The following GRIK3 variants were observed in gnomAD, a reference collection of about 807,000 sequenced individuals.
GRIK3 encodes glutamate receptor ionotropic, kainate 3.
In GRIK3, 29 loss-of-function variants were observed where a neutral mutation model predicts 102.5. That is an observed-to-expected ratio of 0.28 (90% CI 0.21 to 0.39). The LOEUF (loss-of-function observed/expected upper bound fraction) is 0.39, where lower values mean the gene tolerates loss of function less well. Ranked by LOEUF, GRIK3 falls within the 10% of genes least tolerant of loss-of-function variation. The probability of loss-of-function intolerance (pLI) is 1.00; values close to 1 mark genes in which losing one functional copy is unlikely to be tolerated. For missense variants in GRIK3, 908 were observed against 1,252.4 expected (o/e 0.73, Z 4.15); for synonymous variants, 511 against 504.9 (o/e 1.01, Z -0.16).
At chr1:36,827,784 G>A (rs536938989) in intron 10 of GRIK3, among the ~76,000 whole-genome samples, 53 of 152,120 alleles carry the variant, frequency 3.5e-4, no homozygotes, top group Non-Finnish European at 6.0e-4. Context: ...GGTGCTCCCG[G>A]CTGGGAGCAG....
intron 1 of GRIK3, among the ~76,000 whole-genome samples, chr1:36,911,518 C>T (rs1641344977): frequency 6.6e-6 from 1 of 152,130 alleles, no homozygotes; most frequent in South Asian, 2.1e-4. Context: ...TGTAGGCAGG[C>T]ATCCAGAGAA....
chr1:36,875,707 T>C (rs111663895), intron 3 of GRIK3, among the ~76,000 whole-genome samples: 1,552 of 152,346 alleles, frequency 0.01, 22 homozygotes, highest in African/African-American at 0.036. Flanking sequence ...AGGTGAGTGA[T>C]CCAGGTGAAC....
At chr1:37,002,375 C>T (rs569665146) in intron 1 of GRIK3, among the ~76,000 whole-genome samples, 5 of 152,240 alleles carry the variant, frequency 3.3e-5, no homozygotes, top group African/African-American at 4.8e-5. Context: ...GGGATGGCTG[C>T]CTTAACCACC....
At chr1:36,871,522 G>A (rs1052583030) in intron 4 of GRIK3, among the ~76,000 whole-genome samples, 2 of 152,210 alleles carry the variant, frequency 1.3e-5, no homozygotes, top group Non-Finnish European at 2.9e-5. Flanking sequence ...TTTGGTTTCC[G>A]CTGTGGCACC....
chr1:36,924,380 G>A (rs1641505290), intron 1 of GRIK3, among the ~76,000 whole-genome samples: 1 of 152,174 alleles, frequency 6.6e-6, no homozygotes, highest in African/African-American at 2.4e-5. Flanking sequence ...CCTCCGCCCC[G>A]CCTCCCTAGT....
chr1:36,930,573 A>G (rs1641576428), intron 1 of GRIK3, among the ~76,000 whole-genome samples: 1 of 152,150 alleles, frequency 6.6e-6, no homozygotes, highest in Admixed American at 6.5e-5. Context: ...GCCTGATGAG[A>G]CATGAATGTA....
intron 1 of GRIK3, among the ~76,000 whole-genome samples, chr1:36,908,090 AG>A (rs1361175301): frequency 1.3e-5 from 2 of 152,152 alleles, no homozygotes; most frequent in African/African-American, 2.4e-5. Flanking sequence ...ACCTTGCATC[AG>A]GCAAAGGCTA....
At chr1:36,808,039 C>T (rs1642519372) in intron 13 of GRIK3, among the ~76,000 whole-genome samples, 2 of 152,238 alleles carry the variant, frequency 1.3e-5, no homozygotes, top group African/African-American at 4.8e-5. Flanking sequence ...CTTTTGTGCT[C>T]TCCGCTCTCC....
intron 1 of GRIK3, among the ~76,000 whole-genome samples, chr1:36,984,770 A>G (rs564944741): frequency 3.3e-5 from 5 of 152,272 alleles, no homozygotes; most frequent in African/African-American, 1.2e-4. Flanking sequence ...GGATCATCTG[A>G]CCACGTGGGC....
intron 1 of GRIK3, among the ~76,000 whole-genome samples, chr1:36,982,133 C>T (rs535851029): frequency 4.6e-5 from 7 of 152,280 alleles, no homozygotes; most frequent in South Asian, 4.1e-4. Flanking sequence ...GGACATCCCA[C>T]GCGGCATGTC....
chr1:36,936,953 CG>C (rs1170316965), intron 1 of GRIK3, among the ~76,000 whole-genome samples: 2 of 152,036 alleles, frequency 1.3e-5, no homozygotes, highest in African/African-American at 4.8e-5. Context: ...ACAACAGGTG[CG>C]GGGGGTAGGA....
At chr1:36,867,974 G>A (rs568472958) in intron 5 of GRIK3, among the ~76,000 whole-genome samples, 32 of 152,290 alleles carry the variant, frequency 2.1e-4, no homozygotes, top group Non-Finnish European at 3.2e-4. Flanking sequence ...TCCAGGACAA[G>A]ACTCTGGGGA....
intron 1 of GRIK3, among the ~76,000 whole-genome samples, chr1:36,923,626 C>T (rs1463380032): frequency 3.3e-5 from 5 of 152,182 alleles, no homozygotes; most frequent in African/African-American, 1.2e-4. Flanking sequence ...CCTCAGTTTC[C>T]TCACTAGTAA....
At chr1:36,821,339 G>C (rs1031093596) in intron 11 of GRIK3, among the ~76,000 whole-genome samples, 1 of 152,224 alleles carries the variant, frequency 6.6e-6, no homozygotes, top group African/African-American at 2.4e-5. Context: ...AGAGATTAGA[G>C]GCTATTGTGA....
chr1:37,027,077 C>T (rs572086665), intron 1 of GRIK3, among the ~76,000 whole-genome samples: 3 of 151,952 alleles, frequency 2.0e-5, no homozygotes, highest in South Asian at 4.2e-4. Flanking sequence ...ACCGACTCAC[C>T]CCCAGAAAAC....
rs74064768 is a variant in GRIK3 at position 36,821,202 on chromosome 1, G to T, written c.1755-1348C>A. ...AAAGAATTTTATTTTCATGAAGCGGGAAGATCCCTCAAATAGGAAATTCTA... is the reference window on the plus strand; with the variant it reads ...AAAGAATTTTATTTTCATGAAGCGGTAAGATCCCTCAAATAGGAAATTCTA... On this transcript the variant is annotated intron_variant, in intron 11 of 15. Coordinates refer to ENST00000373091, the MANE Select transcript of GRIK3 (RefSeq NM_000831.4). 9.3e-3 allele frequency among the ~76,000 whole-genome samples: 1,424 copies of T among 152,314 alleles called. 16 individuals carry two copies. Among genetic ancestry groups the T allele is most frequent in the African/African-American group, 0.031 (1,287 of 41,562 alleles).
intron 1 of GRIK3, among the ~76,000 whole-genome samples, chr1:36,955,859 C>T (rs189252195): frequency 3.9e-4 from 59 of 152,384 alleles, no homozygotes; most frequent in African/African-American, 9.9e-4. Context: ...AAGGATCCCC[C>T]GCTGGCCACC....
chr1:36,857,259 C>T (rs1470532241), intron 7 of GRIK3, among the ~76,000 whole-genome samples: 1 of 152,154 alleles, frequency 6.6e-6, no homozygotes, highest in African/African-American at 2.4e-5. Context: ...ACAGTGGCCT[C>T]ACACAGTGGC....
At chr1:36,994,812 C>A (rs377626725) in intron 1 of GRIK3, among the ~76,000 whole-genome samples, 10 of 152,122 alleles carry the variant, frequency 6.6e-5, no homozygotes, top group African/African-American at 2.4e-4. Context: ...ATAATAAAAA[C>A]GAAAGAACTC....
Sources: allele counts gnomAD v4.1 joint callset (sites outside exome capture counted in the v4.1 genomes callset), GRCh38; gene constraint gnomAD v4.1.1; transcripts MANE v1.5; gene names NCBI Gene and HGNC (gene_info 2026-07-23, HGNC 2026-07-21).